ZNF506: variants seen among roughly 807,000 people sequenced by gnomAD.
ZNF506 encodes the protein zinc finger protein 506.
ZNF506 carries 10 observed loss-of-function variants against 11.6 expected under a neutral mutation model. The observed-to-expected ratio is 0.86, with a 90% CI of 0.53 to 1.46. The LOEUF (loss-of-function observed/expected upper bound fraction) is 1.46, where lower values mean the gene tolerates loss of function less well. ZNF506 is among the 40% of genes most tolerant of loss of function. ZNF506 has a pLI of 0.00. For missense variants in ZNF506, 425 were observed against 521.2 expected, an observed-to-expected ratio of 0.82 and a Z score of 1.80; for synonymous variants, 156 against 173.3, an observed-to-expected ratio of 0.90 and a Z score of 0.78.
At position 19,806,014 on chromosome 19, in the gene ZNF506, T is replaced by C. The variant is rs763985821; in HGVS notation, c.226+17A>G. On this transcript the variant is annotated intron_variant, in intron 3 of 3. Transcript: ENST00000540806. ...CTATCTGTGTTGTCTGTCCTATTCA[T>C]TTTCACTCGCACCTACCTGGGGGTT... is the stretch of plus-strand genomic sequence containing the variant. The C allele has an allele frequency of 3.1e-6, 5 of 1,595,064 alleles. No homozygotes were observed. The highest frequency in any genetic ancestry group is 4.3e-6 in the Non-Finnish European group (5 of 1,171,652).
At position 19,821,597 on chromosome 19, in the gene ZNF506, T is replaced by G; in HGVS notation, c.3+4A>C. The G allele has an allele frequency of 1.9e-6, 3 of 1,614,002 alleles. No individual in the cohort carries two copies. The highest frequency in any genetic ancestry group is 2.5e-6 in the Non-Finnish European group (3 of 1,179,922). ...CTCTCGGGATGTCGAACTGGCACTC[T>G]CACCATTTCTAGGCTTCCAGGGGGT... On this transcript the variant is annotated splice_donor_region_variant and intron_variant, in intron 1 of 3. Transcript: ENST00000540806.
chr19:19,814,907 T>A (rs1313933269), intron 1 of ZNF506, among the ~76,000 whole-genome samples: 1 of 152,104 alleles, frequency 6.6e-6, no homozygotes, highest in Non-Finnish European at 1.5e-5. Flanking sequence ...TGAGTGGGAA[T>A]ATGCTAGGAG....
At chr19:19,811,852 G>A (rs541711281) in intron 1 of ZNF506, among the ~76,000 whole-genome samples, 1 of 152,210 alleles carries the variant, frequency 6.6e-6, no homozygotes, top group African/African-American at 2.4e-5. Flanking sequence ...GACATCAGAA[G>A]CCACAACAAT....
intron 1 of ZNF506, among the ~76,000 whole-genome samples, chr19:19,808,107 A>ATTTTTT (rs2062849835): frequency 3.6e-5 from 2 of 55,142 alleles, no homozygotes; most frequent in African/African-American, 7.9e-5. Context: ...ATCATTAACC[A>ATTTTTT]CTTTTTTTTT....
chr19:19,806,875 T>C lies in ZNF506; in HGVS notation c.130+67A>G, dbSNP rs2062839381. 1.9e-6 allele frequency: 3 copies of C among 1,545,202 alleles called. No individual in the cohort carries two copies. The South Asian group carries it at 3.6e-5, about 19-fold the overall frequency. On this transcript the variant is annotated intron_variant, in intron 2 of 3. Transcript: ENST00000540806. ...GCAAAGAATAAATTACTAAAAAACA[T>C]TCTACAAAAAAGAGAAATAAAACCT...
rs1451081667 is a variant in ZNF506 at position 19,821,691 on chromosome 19, A to T, written c.-88T>A. The T allele has an allele frequency of 1.3e-6, 2 of 1,520,528 alleles. No individual in the cohort carries two copies. Among genetic ancestry groups the T allele is most frequent in the Non-Finnish European group, 1.8e-6 (2 of 1,095,856 alleles). The allele number at this position is 1,520,528 out of a possible 1,614,324, so 94.2% of individuals were successfully genotyped here. ...GGGCCACAGAGGCTGGGCCTCTAGGAGCTGACGGCACAGAGCAGTGAAGAC... is the reference window on the plus strand; with the variant it reads ...GGGCCACAGAGGCTGGGCCTCTAGGTGCTGACGGCACAGAGCAGTGAAGAC... On this transcript the variant is annotated 5_prime_UTR_variant, in exon 1 of 4. Coordinates refer to ENST00000540806, the MANE Select transcript of ZNF506 (RefSeq NM_001099269.3).
At chr19:19,820,297 A>G (rs768902323) in intron 1 of ZNF506, 4 of 152,218 alleles carry the variant, frequency 2.6e-5, no homozygotes, top group Non-Finnish European at 5.9e-5. Context: ...TTGGTAAATT[A>G]CTACATTAGG....
At position 19,794,520 on chromosome 19, in the gene ZNF506, A is replaced by T; in HGVS notation, c.*32T>A. 3.9e-6 allele frequency: 6 copies of T among 1,550,712 alleles called. No individual in the cohort carries two copies. The highest frequency in any genetic ancestry group is 5.2e-6 in the Non-Finnish European group (6 of 1,153,154). On this transcript the variant is annotated 3_prime_UTR_variant, in exon 4 of 4. Coordinates refer to ENST00000540806, the MANE Select transcript of ZNF506 (RefSeq NM_001099269.3). ...GCTAGTTAAAGGCTTTCCCACATTC[A>T]TCACATTCATACGGTTTCTCTCCAG...
At chr19:19,813,504 A>G (rs1225329110) in intron 1 of ZNF506, among the ~76,000 whole-genome samples, 1 of 152,226 alleles carries the variant, frequency 6.6e-6, no homozygotes, top group Non-Finnish European at 1.5e-5. Context: ...GATTCCTCAG[A>G]GAACTAAAAA....
intron 3 of ZNF506, among the ~76,000 whole-genome samples, chr19:19,800,512 G>C (rs1185391142): frequency 1.3e-5 from 2 of 150,756 alleles, no homozygotes; most frequent in African/African-American, 4.9e-5. Flanking sequence ...CGCCTCCCAG[G>C]TTCAAGCAAT....
Position 19,794,869 on chromosome 19 carries a change from G to C in ZNF506, c.1018C>G (p.Pro340Ala). Reference protein sequence around the residue: ...KHKRIHTGDVPYKCDECGKTF... With the variant: ...KHKRIHTGDVAYKCDECGKTF... ...TTGCCACATTCGTCACATTTGTAGGGTACATCTCCAGTATGAATTCTCTTA... is the reference window on the plus strand; with the variant it reads ...TTGCCACATTCGTCACATTTGTAGGCTACATCTCCAGTATGAATTCTCTTA... The change falls in exon 4 of 4, where the codon CCC (proline) becomes GCC (alanine). Residue 340 changes from proline (P) to alanine (A), a missense_variant. Around this residue, in one of 3 missense-constraint regions of ZNF506, gnomAD observed 192 missense variants for 215.7 expected, o/e 0.89. Transcript: ENST00000540806. The C allele has an allele frequency of 1.2e-6, 2 of 1,613,846 alleles. No homozygotes were observed. Among genetic ancestry groups the C allele is most frequent in the African/African-American group, 2.7e-5 (2 of 74,960 alleles).
rs780673561 is a variant in ZNF506, at chr19:19,799,407, T to G, written c.227-3747A>C. On this transcript the variant is annotated intron_variant, in intron 3 of 3. Transcript: ENST00000540806. ...CACTCCTCAACATCATCAGGATACA[T>G]AGCCTTCTCAATAGCTCATAAAACA... 4.5e-6 allele frequency: 3 copies of G among 665,970 alleles called. No homozygotes were observed. In the Admixed American group the frequency reaches 7.3e-5, roughly 16 times the overall value. 41.3% of individuals were successfully genotyped at this position (665,970 alleles called of 1,614,324 possible).
intron 1 of ZNF506, 142 bp downstream of exon 1, chr19:19,821,459 G>A: frequency 9.0e-7 from 1 of 1,105,972 alleles, no homozygotes; most frequent in South Asian, 1.2e-5. Context: ...GGGCGGAGCT[G>A]GGCAATGAGA....
At position 19,793,932 on chromosome 19, in the gene ZNF506, G is replaced by A. The variant is rs1772088164; in HGVS notation, c.*620C>T. 1 of 152,356 alleles carries A rather than the reference G, an allele frequency of 6.6e-6. No homozygotes were observed. The highest frequency in any genetic ancestry group is 6.5e-5 in the Admixed American group (1 of 15,286). The allele number at this position is 152,356 out of a possible 1,614,324, so 9.4% of individuals were successfully genotyped here. On this transcript the variant is annotated 3_prime_UTR_variant, in exon 4 of 4. Coordinates refer to ENST00000540806, the MANE Select transcript of ZNF506 (RefSeq NM_001099269.3). Reference sequence around the variant, plus strand: ...ATTTATTTTTATGTATACAAAAGTTGGAGGTGGTGGTAAAAGCACTGTTGC... The same window carrying A: ...ATTTATTTTTATGTATACAAAAGTTAGAGGTGGTGGTAAAAGCACTGTTGC...
At position 19,821,582 on chromosome 19, in the gene ZNF506, G is replaced by A; in HGVS notation, c.3+19C>T. ...CCAGCCCCTCTCCCTCTCTCGGGAT[G>A]TCGAACTGGCACTCTCACCATTTCT... On this transcript the variant is annotated intron_variant, in intron 1 of 3. Transcript: ENST00000540806. The A allele has an allele frequency of 2.5e-6, 4 of 1,614,018 alleles. No individual in the cohort carries two copies. The highest frequency in any genetic ancestry group is 2.2e-5 in the South Asian group (2 of 91,070).
At chr19:19,796,106 A>AC (rs1346956216) in intron 3 of ZNF506, 8 of 184,166 alleles carry the variant, frequency 4.3e-5, no homozygotes, top group African/African-American at 1.9e-4. Flanking sequence ...AGATGGTGAA[A>AC]CCCCGTCTCT....
At chr19:19,800,847 A>G (rs907145062) in intron 3 of ZNF506, among the ~76,000 whole-genome samples, 6 of 152,158 alleles carry the variant, frequency 3.9e-5, no homozygotes, top group Admixed American at 1.3e-4. Flanking sequence ...TTTTATGACT[A>G]CTCACGTAGA....
At chr19:19,816,649 C>T (rs74329664) in intron 1 of ZNF506, among the ~76,000 whole-genome samples, 2,524 of 152,128 alleles carry the variant, frequency 0.017, 62 homozygotes, top group African/African-American at 0.053. Context: ...TGAGCCACTG[C>T]GCCTGACTTG....
At chr19:19,814,167 G>A (rs751848977) in intron 1 of ZNF506, among the ~76,000 whole-genome samples, 10 of 151,966 alleles carry the variant, frequency 6.6e-5, no homozygotes, top group Non-Finnish European at 1.5e-4. Flanking sequence ...CCAGCACTGT[G>A]GGAGGCCAAG....
Sources: gnomAD v4.1 joint callset for allele counts (sites outside exome capture counted in the v4.1 genomes callset) on GRCh38, gnomAD v4.1.1 for gene constraint, gnomAD v4.1.1 regional missense constraint, MANE v1.5 for transcripts, NCBI Gene and HGNC (gene_info 2026-07-23, HGNC 2026-07-21) for gene names.